RNF180: variants seen among roughly 807,000 people sequenced by gnomAD.
RNF180 encodes ring finger protein 180.
Under a neutral mutation model 59.2 loss-of-function variants are expected in RNF180, and 38 were observed. The observed-to-expected ratio is 0.64, with a 90% confidence interval of 0.50 to 0.84. The LOEUF is 0.84. Ranked by LOEUF, RNF180 falls within the 40% of genes least tolerant of loss-of-function variation. The pLI is 0.00. For synonymous variants in RNF180, 262 were observed against 240.3 expected (o/e 1.09, Z -0.84); for missense variants, 705 against 700.9 (o/e 1.01, Z -0.07).
chr5:64,182,226 C>T (rs1423879098), intron 1 of RNF180, among the ~76,000 whole-genome samples: 4 of 152,096 alleles, frequency 2.6e-5, no homozygotes, highest in East Asian at 1.9e-4. Context: ...CTCCTGACCT[C>T]GTGATCTGCC....
chr5:64,213,444 AG>A (rs1423845476), intron 3 of RNF180, 113 bp from the exon 4 acceptor site: 9 of 869,758 alleles, frequency 1.0e-5, no homozygotes, highest in Non-Finnish European at 1.6e-5. Context: ...ACAGAAAGCT[AG>A]CCTTTTCTGT....
chr5:64,358,484 T>A (rs1361817476), intron 7 of RNF180, among the ~76,000 whole-genome samples: 1 of 151,742 alleles, frequency 6.6e-6, no homozygotes, highest in Non-Finnish European at 1.5e-5. Context: ...TAATCTTTTA[T>A]AAAAGTTATT....
At chr5:64,318,782 T>TA (rs771572695) in intron 5 of RNF180, among the ~76,000 whole-genome samples, 1 of 152,140 alleles carries the variant, frequency 6.6e-6, no homozygotes, top group South Asian at 2.1e-4. Flanking sequence ...TTCTAGGCAG[T>TA]AAAAAACAAT....
intron 7 of RNF180, among the ~76,000 whole-genome samples, chr5:64,356,157 G>T (rs1746016154): frequency 6.6e-6 from 1 of 151,808 alleles, no homozygotes; most frequent in African/African-American, 2.4e-5. Context: ...CTACTTGGGA[G>T]GCTGACATCT....
At position 64,208,059 on chromosome 5, in the gene RNF180, A is replaced by G. The variant is rs1752113082; in HGVS notation, c.136-4006A>G. On this transcript the variant is annotated intron_variant, in intron 2 of 7. Coordinates refer to ENST00000389100, the MANE Select transcript of RNF180 (RefSeq NM_001113561.2). The stretch of plus-strand genomic sequence containing the variant: ...AATTAAAAATATTAAAGATCACATA[A>G]TGATAAAAAATAAGGCATCAAATTT... Among the ~76,000 whole-genome samples, 4 of 152,122 alleles carry G rather than the reference A, an allele frequency of 2.6e-5. No homozygotes were observed. In the South Asian group the frequency reaches 8.3e-4, roughly 32 times the overall value.
At chr5:64,330,169 G>C (rs1330696348) in intron 6 of RNF180, 112 bp from the exon 7 acceptor site, 6 of 728,126 alleles carry the variant, frequency 8.2e-6, no homozygotes, top group Non-Finnish European at 1.3e-5. Flanking sequence ...CTGACTTAAA[G>C]AGGTGTGAAT....
At chr5:64,214,750 G>A (rs373341358) in intron 4 of RNF180, among the ~76,000 whole-genome samples, 27 of 152,098 alleles carry the variant, frequency 1.8e-4, no homozygotes, top group South Asian at 1.7e-3. Flanking sequence ...GCAATTTTTC[G>A]CAATTCTAAT....
rs57419146 is a variant in RNF180 at position 64,349,410 on chromosome 5, C to CTTT, written c.1579+19014_1579+19016dup. Among the ~76,000 whole-genome samples, 319 of 139,232 alleles carry CTTT rather than the reference C, an allele frequency of 2.3e-3. 2 individuals carry two copies. The highest frequency in any genetic ancestry group is 3.6e-3 in the Admixed American group (50 of 14,056). 91.3% of individuals were successfully genotyped at this position (139,232 alleles called of 152,430 possible). On this transcript the variant is annotated intron_variant, in intron 7 of 7. Transcript: ENST00000389100. Reference sequence around the variant, plus strand: ...AAGTTATGACAGGCTAGTCTTCTTTCTTTTTTTTTTTTGAGTTTCTATTAC... The same window carrying CTTT: ...AAGTTATGACAGGCTAGTCTTCTTTCTTTTTTTTTTTTTTTGAGTTTCTATTAC...
chr5:64,232,211 G>A (rs1271331609), intron 5 of RNF180, among the ~76,000 whole-genome samples: 1 of 152,164 alleles, frequency 6.6e-6, no homozygotes, highest in Non-Finnish European at 1.5e-5. Flanking sequence ...CATATTTAGG[G>A]AAGAGATGGA....
intron 5 of RNF180, among the ~76,000 whole-genome samples, chr5:64,321,244 C>T (rs1361161957): frequency 6.6e-6 from 1 of 152,112 alleles, no homozygotes; most frequent in Non-Finnish European, 1.5e-5. Flanking sequence ...GTCGCTGTTG[C>T]AGATGACATG....
intron 5 of RNF180, among the ~76,000 whole-genome samples, chr5:64,228,263 C>G (rs1741892651): frequency 6.6e-6 from 1 of 152,152 alleles, no homozygotes; most frequent in African/African-American, 2.4e-5. Context: ...GCCTGAAATC[C>G]TAGCCTTTGG....
At chr5:64,210,823 C>T (rs777195843) in intron 2 of RNF180, among the ~76,000 whole-genome samples, 1 of 152,032 alleles carries the variant, frequency 6.6e-6, no homozygotes, top group Non-Finnish European at 1.5e-5. Flanking sequence ...TTCATATGCC[C>T]GTGTAGTAAC....
At chr5:64,347,141 T>G (rs1355973269) in intron 7 of RNF180, among the ~76,000 whole-genome samples, 1 of 152,198 alleles carries the variant, frequency 6.6e-6, no homozygotes, top group Non-Finnish European at 1.5e-5. Context: ...AGTGCAAATT[T>G]AAGAAATCTA....
chr5:64,224,451 T>G (rs1171646345), intron 5 of RNF180, among the ~76,000 whole-genome samples: 2 of 152,128 alleles, frequency 1.3e-5, no homozygotes, highest in Non-Finnish European at 2.9e-5. Context: ...ACCCTGCTAT[T>G]GAGAGAATGA....
At chr5:64,239,041 T>C (rs955177541) in intron 5 of RNF180, among the ~76,000 whole-genome samples, 2 of 152,124 alleles carry the variant, frequency 1.3e-5, no homozygotes, top group Non-Finnish European at 2.9e-5. Flanking sequence ...GCTTTATGGG[T>C]GTTTTGTCTG....
At chr5:64,347,253 C>A (rs1745592990) in intron 7 of RNF180, among the ~76,000 whole-genome samples, 1 of 152,124 alleles carries the variant, frequency 6.6e-6, no homozygotes, top group Non-Finnish European at 1.5e-5. Flanking sequence ...TATAGTACTT[C>A]AATACTGTAT....
At chr5:64,303,136 G>A (rs1006267892) in intron 5 of RNF180, among the ~76,000 whole-genome samples, 1 of 151,496 alleles carries the variant, frequency 6.6e-6, no homozygotes, top group Admixed American at 6.6e-5. Context: ...TTGTTTTGGG[G>A]CATCACCAAC....
At chr5:64,315,695 C>T (rs1744002038) in intron 5 of RNF180, among the ~76,000 whole-genome samples, 1 of 141,578 alleles carries the variant, frequency 7.1e-6, no homozygotes, top group Admixed American at 7.3e-5. Flanking sequence ...AAGATCGTGC[C>T]ATTGCACTCC....
chr5:64,169,370 T>C (rs1749818205), intron 1 of RNF180, among the ~76,000 whole-genome samples: 2 of 152,236 alleles, frequency 1.3e-5, no homozygotes, highest in Non-Finnish European at 2.9e-5. Flanking sequence ...ATGTCATTAA[T>C]AGGTTAGGTG....
Sources: gnomAD v4.1 joint callset for allele counts (sites outside exome capture counted in the v4.1 genomes callset) on GRCh38, gnomAD v4.1.1 for gene constraint, MANE v1.5 for transcripts, NCBI Gene and HGNC (gene_info 2026-07-23, HGNC 2026-07-21) for gene names.